Variants in PALS2 observed in about 807,000 individuals in gnomAD.
PALS2 encodes protein PALS2.
A neutral mutation model predicts 61.6 loss-of-function variants in PALS2; 27 were observed. The observed-to-expected ratio is 0.44, with a 90% CI of 0.32 to 0.60. The LOEUF (loss-of-function observed/expected upper bound fraction) is 0.60. PALS2 is among the 20% of genes least tolerant of loss of function. PALS2 has a pLI of 0.05. For missense variants in PALS2, 554 were observed against 639.4 expected (o/e 0.87, Z 1.44); for synonymous variants, 236 against 218.6 (o/e 1.08, Z -0.70).
intron 1 of PALS2, among the ~76,000 whole-genome samples, chr7:24,583,741 A>G (rs915604682): frequency 1.3e-5 from 2 of 150,370 alleles, no homozygotes; most frequent in Non-Finnish European, 2.9e-5. Flanking sequence ...TACATGTGCC[A>G]TGCTGGTGTG....
chr7:24,628,102 G>A (rs944114128), intron 2 of PALS2, among the ~76,000 whole-genome samples: 3 of 152,102 alleles, frequency 2.0e-5, no homozygotes, highest in African/African-American at 2.4e-5. Context: ...GATGAACATC[G>A]ATGTGAAAAT....
rs1167249161 is a variant in PALS2, at chr7:24,573,622, G to C, written c.-3+29G>C. On this transcript the variant is annotated intron_variant, in intron 1 of 11. Transcript: ENST00000222644. The surrounding 1 kb of genome is among the most constrained non-coding windows in gnomAD (Gnocchi z 5.3). ...AGTTAACTGGACCCCCACGCCGCTC[G>C]GGTAACGGTCGCGCCGCGCGCCGGG... The C allele has an allele frequency of 3.0e-6, 1 of 334,826 alleles. No individual in the cohort carries two copies. The highest frequency in any genetic ancestry group is 2.2e-5 in the African/African-American group (1 of 45,700). The allele number at this position is 334,826 out of a possible 1,614,324, so 20.7% of individuals were successfully genotyped here. A position where few individuals can be genotyped will look rare whatever the true frequency, so the allele number is the denominator to read the frequency against.
chr7:24,616,632 T>C (rs1465948335), intron 1 of PALS2, among the ~76,000 whole-genome samples: 5 of 152,218 alleles, frequency 3.3e-5, no homozygotes, highest in Non-Finnish European at 5.9e-5. Flanking sequence ...TTTATATTTT[T>C]TAATTGGGGA....
chr7:24,644,965 A>G (rs1785755565), intron 3 of PALS2, among the ~76,000 whole-genome samples: 1 of 148,842 alleles, frequency 6.7e-6, no homozygotes, highest in Non-Finnish European at 1.5e-5. Flanking sequence ...GTGTCTGTTC[A>G]TGTTCTTTGC....
Position 24,692,189 on chromosome 7 carries a change from T to A in PALS2, c.*4575T>A, listed in dbSNP as rs1788507016. The A allele has an allele frequency of 6.6e-6, 1 of 152,170 alleles. No individual in the cohort carries two copies. The highest frequency in any genetic ancestry group is 1.5e-5 in the Non-Finnish European group (1 of 68,012). 9.4% of individuals were successfully genotyped at this position (152,170 alleles called of 1,614,324 possible). A position where few individuals can be genotyped will look rare whatever the true frequency, so the allele number is the denominator to read the frequency against. On this transcript the variant is annotated 3_prime_UTR_variant, in exon 12 of 12. Transcript: ENST00000222644. ...CTTAATATACTAAACAGTGAAAGAA[T>A]GATGATATCTCATTTCTAAAGTAAG...
Position 24,687,695 on chromosome 7 carries a change from C to A in PALS2, c.*81C>A. On this transcript the variant is annotated 3_prime_UTR_variant, in exon 12 of 12. Transcript: ENST00000222644. The surrounding 1 kb of genome is among the most constrained non-coding windows in gnomAD (Gnocchi z 4.5). ...TAAACCTTCTACTGAGAAAATACATCACAGATAGAAGATTATCTGCTAAGT... is the reference window on the plus strand; with the variant it reads ...TAAACCTTCTACTGAGAAAATACATAACAGATAGAAGATTATCTGCTAAGT... The A allele has an allele frequency of 7.4e-7, 1 of 1,346,806 alleles. No homozygotes were observed. Among genetic ancestry groups the A allele is most frequent in the Non-Finnish European group, 1.0e-6 (1 of 996,814 alleles). The allele number at this position is 1,346,806 out of a possible 1,614,324, so 83.4% of individuals were successfully genotyped here.
At chr7:24,647,639 A>C (rs1466250287) in intron 3 of PALS2, among the ~76,000 whole-genome samples, 6 of 152,150 alleles carry the variant, frequency 3.9e-5, no homozygotes, top group African/African-American at 1.4e-4. Flanking sequence ...CTTCTCATCA[A>C]CTGGGCTGCT....
intron 1 of PALS2, among the ~76,000 whole-genome samples, chr7:24,593,441 A>C (rs1783377580): frequency 6.6e-6 from 1 of 152,100 alleles, no homozygotes; most frequent in South Asian, 2.1e-4. Context: ...TAATGACATA[A>C]ATGGTGAATC....
intron 11 of PALS2, among the ~76,000 whole-genome samples, chr7:24,681,779 C>T (rs185120383): frequency 2.4e-4 from 36 of 152,198 alleles, no homozygotes; most frequent in Admixed American, 9.8e-4. Context: ...TCCTTTGTAA[C>T]CTGCTCCCCA....
intron 2 of PALS2, among the ~76,000 whole-genome samples, chr7:24,629,412 C>G (rs1301269913): frequency 6.6e-6 from 1 of 152,144 alleles, no homozygotes; most frequent in Non-Finnish European, 1.5e-5. Context: ...CAGTACCATT[C>G]AGGGCATAGG....
At chr7:24,606,798 A>G (rs1311831339) in intron 1 of PALS2, among the ~76,000 whole-genome samples, 1 of 152,018 alleles carries the variant, frequency 6.6e-6, no homozygotes, top group Non-Finnish European at 1.5e-5. Flanking sequence ...TTGGAACCAG[A>G]AGTGTTTCAG....
intron 3 of PALS2, among the ~76,000 whole-genome samples, chr7:24,646,111 G>T (rs1785818574): frequency 6.6e-6 from 1 of 152,136 alleles, no homozygotes; most frequent in Non-Finnish European, 1.5e-5. Flanking sequence ...GAAATAGTTT[G>T]TCTTCCTCTC....
chr7:24,627,244 A>G (rs1388138718), intron 2 of PALS2, among the ~76,000 whole-genome samples: 5 of 152,218 alleles, frequency 3.3e-5, no homozygotes, highest in Non-Finnish European at 7.3e-5. Context: ...AAACTGAACA[A>G]CCTACTCTTA....
intron 3 of PALS2, among the ~76,000 whole-genome samples, chr7:24,642,898 G>A (rs1335092989): frequency 6.6e-6 from 1 of 152,132 alleles, no homozygotes; most frequent in African/African-American, 2.4e-5. Flanking sequence ...GTGTGGAGGG[G>A]GAGATGAATA....
chr7:24,640,823 A>G (rs951530563), intron 2 of PALS2, among the ~76,000 whole-genome samples: 2 of 151,994 alleles, frequency 1.3e-5, no homozygotes, highest in Non-Finnish European at 2.9e-5. Flanking sequence ...CCTGGCTAAC[A>G]TGGTGAAACC....
intron 1 of PALS2, among the ~76,000 whole-genome samples, chr7:24,588,678 T>C (rs1369948366): frequency 2.6e-5 from 4 of 152,214 alleles, no homozygotes; most frequent in Non-Finnish European, 5.9e-5. Flanking sequence ...AGATAAAGAT[T>C]GCCATACGTA....
In PALS2 at chr7:24,666,028, T is replaced by C; in HGVS notation, c.891T>C (p.Phe297=). The C allele has an allele frequency of 1.9e-6, 3 of 1,609,984 alleles. No homozygotes were observed. The highest frequency in any genetic ancestry group is 2.2e-5 in the South Asian group (2 of 90,844). ...TGTTTTATCATCCTTCAGGACCTTT[T>C]TGTGGAACTATAAGTAGCAAAAAAA... is the stretch of plus-strand genomic sequence containing the variant. ...VRRDWDNSGP[F]CGTISSKKKK... is the part of the protein sequence containing the mutation. The change falls in exon 8 of 12, where the codon TTT becomes TTC. Residue 297 remains phenylalanine, a synonymous_variant. Coordinates refer to ENST00000222644, the MANE Select transcript of PALS2 (RefSeq NM_001303037.2).
chr7:24,634,580 T>C (rs145580865), intron 2 of PALS2, among the ~76,000 whole-genome samples: 12 of 152,330 alleles, frequency 7.9e-5, no homozygotes, highest in African/African-American at 2.6e-4. Flanking sequence ...TTTTTGTCTT[T>C]TGTTGCCTTG....
intron 1 of PALS2, among the ~76,000 whole-genome samples, chr7:24,616,417 CAAG>C (rs1784295388): frequency 6.6e-6 from 1 of 152,026 alleles, no homozygotes; most frequent in African/African-American, 2.4e-5. Flanking sequence ...CATTAAAAAT[CAAG>C]AAAGCCATTA....
Sources: allele counts gnomAD v4.1 joint callset (sites outside exome capture counted in the v4.1 genomes callset), GRCh38; gene constraint gnomAD v4.1.1; non-coding constraint Gnocchi (gnomAD v3.1); transcripts MANE v1.5; gene names NCBI Gene and HGNC (gene_info 2026-07-23, HGNC 2026-07-21).